The following LRPPRC variants were observed in gnomAD, a reference collection of about 807,000 sequenced individuals.
LRPPRC encodes leucine-rich PPR motif-containing protein, mitochondrial.
A neutral mutation model predicts 180.3 loss-of-function variants in LRPPRC; 120 were observed. The ratio of observed to expected loss-of-function variants is 0.67; its 90% CI spans 0.57 to 0.77. The LOEUF is 0.77. LRPPRC is among the 30% of genes least tolerant of loss of function. The pLI, the probability that LRPPRC is intolerant of heterozygous loss-of-function variation, is 0.00. For missense variants in LRPPRC, 2,012 were observed against 1,657.2 expected, an observed-to-expected ratio of 1.21 and a Z score of -3.72; for synonymous variants, 723 against 600.0, an observed-to-expected ratio of 1.21 and a Z score of -3.00.
At chr2:43,973,551 A>G in intron 11 of LRPPRC, 56 bp downstream of exon 11, 1 of 1,099,158 alleles carries the variant, frequency 9.1e-7, no homozygotes, top group East Asian at 2.3e-5. Flanking sequence ...ATGTGCGTGC[A>G]AACTGTCATA....
intron 3 of LRPPRC, 41 bp downstream of exon 3, chr2:43,979,785 T>G: frequency 1.3e-6 from 2 of 1,598,148 alleles, no homozygotes; most frequent in Non-Finnish European, 1.7e-6. Flanking sequence ...AGAAAAAACA[T>G]CTACACCTTT....
At chr2:43,889,263 C>T (rs953941091) in intron 37 of LRPPRC, among the ~76,000 whole-genome samples, 14 of 123,482 alleles carry the variant, frequency 1.1e-4, no homozygotes, top group Middle Eastern at 7.5e-3. Flanking sequence ...TGCAGTGAGC[C>T]GAGACCGTGC....
intron 2 of LRPPRC, 145 bp from the exon 3 acceptor site, chr2:43,980,093 T>C: frequency 2.7e-6 from 2 of 741,672 alleles, no homozygotes; most frequent in South Asian, 1.6e-5. Context: ...AATCCTATCC[T>C]AATGTACAGT....
At chr2:43,994,681 A>C (rs529504538) in intron 1 of LRPPRC, among the ~76,000 whole-genome samples, 2 of 152,292 alleles carry the variant, frequency 1.3e-5, no homozygotes, top group African/African-American at 4.8e-5. Context: ...TACAAGCATC[A>C]GTCTTTCAAA....
chr2:43,923,839 T>C (rs1413576698), intron 27 of LRPPRC, among the ~76,000 whole-genome samples: 1 of 152,186 alleles, frequency 6.6e-6, no homozygotes. Flanking sequence ...AAATTGTTTT[T>C]AAAAGGAAGA....
intron 29 of LRPPRC, among the ~76,000 whole-genome samples, chr2:43,917,042 CTTTTTTT>C (rs1206227556): frequency 1.7e-5 from 2 of 119,028 alleles, no homozygotes; most frequent in African/African-American, 6.3e-5. Context: ...ACTAGATTTG[CTTTTTTT>C]TTTTTTTTTT....
intron 19 of LRPPRC, 61 bp downstream of exon 19, chr2:43,947,670 C>G (rs1000749316): frequency 7.2e-6 from 7 of 977,800 alleles, no homozygotes; most frequent in Admixed American, 6.8e-5. Flanking sequence ...AGTACACAAT[C>G]CAGAATACTC....
At chr2:43,944,040 C>T (rs944941290) in intron 22 of LRPPRC, 146 bp from the exon 23 acceptor site, 7 of 672,778 alleles carry the variant, frequency 1.0e-5, no homozygotes, top group South Asian at 1.6e-5. Context: ...CATTTCTAAA[C>T]GAGACTACAA....
At chr2:43,941,873 A>G (rs1672494565) in intron 23 of LRPPRC, among the ~76,000 whole-genome samples, 1 of 151,344 alleles carries the variant, frequency 6.6e-6, no homozygotes, top group Admixed American at 6.6e-5. Flanking sequence ...GCAAATAAAA[A>G]CAGAATTAAA....
chr2:43,922,547 C>T (rs760789814), intron 27 of LRPPRC, among the ~76,000 whole-genome samples: 2 of 152,144 alleles, frequency 1.3e-5, no homozygotes, highest in Non-Finnish European at 2.9e-5. Context: ...ATCACAAGGT[C>T]AGGAGTTCGA....
At chr2:43,979,017 G>A (rs1674182659) in intron 3 of LRPPRC, among the ~76,000 whole-genome samples, 1 of 151,586 alleles carries the variant, frequency 6.6e-6, no homozygotes, top group African/African-American at 2.4e-5. Flanking sequence ...GATTGTTGTC[G>A]GTTTTAGATT....
intron 29 of LRPPRC, among the ~76,000 whole-genome samples, chr2:43,917,456 A>G (rs754031104): frequency 3.3e-5 from 5 of 151,942 alleles, no homozygotes; most frequent in South Asian, 2.1e-4. Flanking sequence ...ACATTTCCCT[A>G]TAAGTAAATC....
At chr2:43,993,162 G>T (rs1674862300) in intron 1 of LRPPRC, among the ~76,000 whole-genome samples, 2 of 152,196 alleles carry the variant, frequency 1.3e-5, no homozygotes, top group Non-Finnish European at 2.9e-5. Context: ...GGCCTAAAAA[G>T]TGGATTTGGT....
rs564672667 is a variant in LRPPRC, at chr2:43,960,852, A to G, written c.1489-218T>C. ...CAAATACAGATGGTCTGATGCCTTTAGAGGGCCTTACTTCCAGGATGAGTT... is the reference window on the plus strand; with the variant it reads ...CAAATACAGATGGTCTGATGCCTTTGGAGGGCCTTACTTCCAGGATGAGTT... On this transcript the variant is annotated intron_variant, in intron 12 of 37. Transcript: ENST00000260665. 2.6e-5 allele frequency among the ~76,000 whole-genome samples: 4 copies of G among 152,314 alleles called. No homozygotes were observed. The East Asian group carries it at 7.7e-4, about 29-fold the overall frequency.
intron 1 of LRPPRC, among the ~76,000 whole-genome samples, chr2:43,991,597 A>G (rs1354572161): frequency 6.6e-6 from 1 of 152,228 alleles, no homozygotes; most frequent in African/African-American, 2.4e-5. Context: ...CAGAAATGCA[A>G]GGAAAATGTA....
intron 11 of LRPPRC, among the ~76,000 whole-genome samples, chr2:43,969,077 TA>T (rs1308089549): frequency 1.4e-4 from 21 of 152,174 alleles, no homozygotes; most frequent in Admixed American, 7.2e-4. Flanking sequence ...AACAAAAGTA[TA>T]AAGTAATTTC....
chr2:43,918,177 T>C, intron 28 of LRPPRC, 44 bp from the exon 29 acceptor site: 4 of 1,598,950 alleles, frequency 2.5e-6, no homozygotes, highest in Non-Finnish European at 3.4e-6. Context: ...TGGTAATCTT[T>C]TCAATATAAA....
chr2:43,909,810 G>T (rs1671194095), intron 30 of LRPPRC, among the ~76,000 whole-genome samples: 1 of 151,944 alleles, frequency 6.6e-6, no homozygotes, highest in Non-Finnish European at 1.5e-5. Flanking sequence ...GCTTCATAAA[G>T]ATCTAGAGAA....
At chr2:43,985,640 C>T (rs1348886228) in intron 1 of LRPPRC, among the ~76,000 whole-genome samples, 1 of 152,154 alleles carries the variant, frequency 6.6e-6, no homozygotes, top group African/African-American at 2.4e-5. Flanking sequence ...TAAGGTTCCT[C>T]CATGTCTTTT....
Sources: gnomAD v4.1 joint callset for allele counts (sites outside exome capture counted in the v4.1 genomes callset) on GRCh38, gnomAD v4.1.1 for gene constraint, MANE v1.5 for transcripts, NCBI Gene and HGNC (gene_info 2026-07-23, HGNC 2026-07-21) for gene names.